The following PTPRD variants were observed in gnomAD, a reference collection of about 807,000 sequenced individuals.
PTPRD encodes receptor-type tyrosine-protein phosphatase delta.
A neutral mutation model predicts 214.5 loss-of-function variants in PTPRD; 34 were observed. That is an observed-to-expected ratio of 0.16 (90% CI 0.12 to 0.21). The LOEUF is 0.21. PTPRD is among the 10% of genes least tolerant of loss of function. The pLI is 1.00. For missense variants in PTPRD, 2,545 were observed against 2,398.7 expected (o/e 1.06, Z -1.27); for synonymous variants, 1,128 against 845.7 (o/e 1.33, Z -5.79).
At chr9:9,830,287 T>G (rs1216285819) in intron 5 of PTPRD, among the ~76,000 whole-genome samples, 1 of 151,854 alleles carries the variant, frequency 6.6e-6, no homozygotes, top group African/African-American at 2.4e-5. Flanking sequence ...TAAATTTATC[T>G]TCATGGCCAC....
At chr9:8,891,227 G>A (rs986818520) in intron 11 of PTPRD, among the ~76,000 whole-genome samples, 4 of 146,930 alleles carry the variant, frequency 2.7e-5, no homozygotes, top group Admixed American at 1.4e-4. Flanking sequence ...TCCGCCTCCC[G>A]GGTTCAGGCC....
At chr9:9,503,943 G>A (rs1459525719) in intron 8 of PTPRD, among the ~76,000 whole-genome samples, 1 of 151,660 alleles carries the variant, frequency 6.6e-6, no homozygotes, top group Non-Finnish European at 1.5e-5. Context: ...TGCCACTTTT[G>A]TTATCCATTA....
intron 7 of PTPRD, among the ~76,000 whole-genome samples, chr9:9,708,705 T>TAC (rs557834166): frequency 1.1e-3 from 166 of 152,170 alleles, no homozygotes; most frequent in African/African-American, 3.7e-3. Flanking sequence ...GATAAGTCTA[T>TAC]ACCCGTCAGA....
chr9:9,309,126 A>G (rs1569567248), intron 9 of PTPRD, among the ~76,000 whole-genome samples: 1 of 152,174 alleles, frequency 6.6e-6, no homozygotes. Context: ...TCCTCCTTCA[A>G]AAAAGATATT....
intron 7 of PTPRD, among the ~76,000 whole-genome samples, chr9:9,638,818 G>T (rs553623799): frequency 4.7e-4 from 72 of 152,094 alleles, no homozygotes; most frequent in Admixed American, 9.8e-4. Flanking sequence ...GGCAGATTTG[G>T]TGTCTGGTGA....
intron 3 of PTPRD, among the ~76,000 whole-genome samples, chr9:10,095,349 T>C (rs2098472598): frequency 6.6e-6 from 1 of 151,522 alleles, no homozygotes; most frequent in Admixed American, 6.6e-5. Flanking sequence ...GAAATGCCTG[T>C]CAGGAATCCA....
At chr9:9,880,367 CTACGTGGT>C (rs2068272187) in intron 5 of PTPRD, among the ~76,000 whole-genome samples, 2 of 152,114 alleles carry the variant, frequency 1.3e-5, no homozygotes, top group Non-Finnish European at 2.9e-5. Flanking sequence ...TAAAAGATAA[CTACGTGGT>C]TAATGGCTAG....
At chr9:10,398,859 G>T (rs1034320826) in intron 2 of PTPRD, among the ~76,000 whole-genome samples, 1 of 151,900 alleles carries the variant, frequency 6.6e-6, no homozygotes, top group Non-Finnish European at 1.5e-5. Flanking sequence ...GAAAACTGAG[G>T]CATAAAAGGA....
chr9:9,992,879 A>G (rs1385141701), intron 4 of PTPRD, among the ~76,000 whole-genome samples: 1 of 152,142 alleles, frequency 6.6e-6, no homozygotes, highest in African/African-American at 2.4e-5. Flanking sequence ...CAGCACACCA[A>G]CATGGCACAT....
At chr9:10,274,849 C>A (rs1232183805) in intron 3 of PTPRD, among the ~76,000 whole-genome samples, 2 of 152,070 alleles carry the variant, frequency 1.3e-5, no homozygotes, top group African/African-American at 4.8e-5. Context: ...CATTCAGGAT[C>A]TAGACAGCAG....
chr9:10,418,281 A>G (rs2098512275), intron 2 of PTPRD, among the ~76,000 whole-genome samples: 1 of 151,834 alleles, frequency 6.6e-6, no homozygotes. Flanking sequence ...CAATGGTATA[A>G]TTTTAAACAC....
At chr9:9,692,464 C>T (rs529882446) in intron 7 of PTPRD, among the ~76,000 whole-genome samples, 4 of 151,984 alleles carry the variant, frequency 2.6e-5, no homozygotes, top group African/African-American at 9.7e-5. Context: ...TCTGGGTTGT[C>T]TATTCTATTC....
At chr9:8,989,719 C>G (rs2099359061) in intron 11 of PTPRD, among the ~76,000 whole-genome samples, 1 of 152,030 alleles carries the variant, frequency 6.6e-6, no homozygotes, top group Non-Finnish European at 1.5e-5. Context: ...AGAAAGTTCA[C>G]TCTTTAAAAA....
chr9:9,829,288 C>A (rs1598990262), intron 5 of PTPRD, among the ~76,000 whole-genome samples: 2 of 151,826 alleles, frequency 1.3e-5, no homozygotes, highest in East Asian at 3.9e-4. Context: ...CTAAAAATAC[C>A]TATCTTTTGA....
At chr9:8,983,529 G>C (rs745395109) in intron 11 of PTPRD, among the ~76,000 whole-genome samples, 3 of 151,146 alleles carry the variant, frequency 2.0e-5, no homozygotes, top group Admixed American at 6.6e-5. Context: ...CCCCGCTTTT[G>C]TTTTGGAGAA....
intron 9 of PTPRD, among the ~76,000 whole-genome samples, chr9:9,275,199 T>TGTTATATATA (rs1491465404): frequency 9.6e-5 from 1 of 10,392 alleles, no homozygotes; most frequent in African/African-American, 2.4e-4. Flanking sequence ...TATATATATA[T>TGTTATATATA]TATATATATA....
chr9:9,092,892 A>C (rs945141861), intron 10 of PTPRD, among the ~76,000 whole-genome samples: 9 of 152,106 alleles, frequency 5.9e-5, no homozygotes, highest in Non-Finnish European at 1.3e-4. Flanking sequence ...AGAAATTTTC[A>C]GATTTTACTT....
At position 8,340,382 on chromosome 9, in the gene PTPRD, G is replaced by A; in HGVS notation, c.5214C>T (p.Thr1738=). ...GCAGCTTGGTGAGCATCACAACTAT[G>A]GTGGAATTGTGTTCCCAGAGCATCC... ...FWRMLWEHNS[T]IVVMLTKLRE... The change falls in exon 42 of 46, where the codon ACC becomes ACT. Residue 1738 remains threonine, a synonymous_variant. Coordinates refer to ENST00000381196, the MANE Select transcript of PTPRD (RefSeq NM_002839.4). 6.2e-7 allele frequency: 1 copy of A among 1,610,406 alleles called. No homozygotes were observed. The highest frequency in any genetic ancestry group is 1.1e-5 in the South Asian group (1 of 90,696).
At chr9:8,346,333 T>C (rs188018945) in intron 39 of PTPRD, among the ~76,000 whole-genome samples, 1 of 152,240 alleles carries the variant, frequency 6.6e-6, no homozygotes, top group Admixed American at 6.5e-5. Flanking sequence ...ATAAAACTCA[T>C]TGTTTCTTAA....
Sources: allele counts gnomAD v4.1 joint callset (sites outside exome capture counted in the v4.1 genomes callset), GRCh38; gene constraint gnomAD v4.1.1; transcripts MANE v1.5; gene names NCBI Gene and HGNC (gene_info 2026-07-23, HGNC 2026-07-21).